The following PTPRQ variants were observed in gnomAD, a reference collection of about 807,000 sequenced individuals.
PTPRQ encodes protein tyrosine phosphatase receptor type Q.
Under a neutral mutation model 246.0 loss-of-function variants are expected in PTPRQ, and 199 were observed. The ratio of observed to expected loss-of-function variants is 0.81; its 90% CI spans 0.72 to 0.91. The LOEUF (loss-of-function observed/expected upper bound fraction) is 0.91. Among genes scored for constraint, PTPRQ ranks in the 40% least tolerant of loss-of-function variants. PTPRQ has a pLI of 0.00. For missense variants in PTPRQ, 2,624 were observed against 2,528.4 expected, an observed-to-expected ratio of 1.04 and a Z score of -0.81; for synonymous variants, 869 against 853.2, an observed-to-expected ratio of 1.02 and a Z score of -0.32.
chr12:80,492,164 A>T (rs1357111805), intron 9 of PTPRQ, among the ~76,000 whole-genome samples: 1 of 151,938 alleles, frequency 6.6e-6, no homozygotes, highest in Non-Finnish European at 1.5e-5. Flanking sequence ...GGATTCAGTA[A>T]TCATCAATAG....
chr12:80,550,012 C>G (rs1004529532), intron 25 of PTPRQ, among the ~76,000 whole-genome samples: 2 of 152,016 alleles, frequency 1.3e-5, no homozygotes, highest in Non-Finnish European at 1.5e-5. Context: ...ATGAATTATG[C>G]TTTATTGTGA....
chr12:80,484,639 C>G (rs779784942), intron 9 of PTPRQ, 34 bp downstream of exon 9: 1 of 1,543,168 alleles, frequency 6.5e-7, no homozygotes, highest in African/African-American at 1.4e-5. Context: ...TTGGTGAACC[C>G]TTTCTGCTTG....
intron 17 of PTPRQ, among the ~76,000 whole-genome samples, chr12:80,519,005 G>A (rs909255268): frequency 6.6e-6 from 1 of 151,948 alleles, no homozygotes; most frequent in African/African-American, 2.4e-5. Context: ...TTCTATTTCT[G>A]TGAAGAATGT....
intron 25 of PTPRQ, among the ~76,000 whole-genome samples, chr12:80,581,851 G>A (rs530324579): frequency 6.6e-6 from 1 of 152,156 alleles, no homozygotes; most frequent in Non-Finnish European, 1.5e-5. Flanking sequence ...AGAGAGAGAA[G>A]TGCAATAAGC....
At chr12:80,592,274 A>T (rs558283604) in intron 26 of PTPRQ, among the ~76,000 whole-genome samples, 6 of 152,356 alleles carry the variant, frequency 3.9e-5, no homozygotes, top group East Asian at 3.9e-4. Context: ...GTTGAGGATA[A>T]TTCTTTAAAT....
Position 80,460,653 on chromosome 12 carries a change from G to T in PTPRQ, c.661G>T (p.Glu221Ter). 1 of 398,468 alleles carries T rather than the reference G, an allele frequency of 2.5e-6. No individual in the cohort carries two copies. Among genetic ancestry groups the T allele is most frequent in the South Asian group, 1.3e-4 (1 of 7,838 alleles). The allele number at this position is 398,468 out of a possible 1,614,324, so 24.7% of individuals were successfully genotyped here. Residue 221 changes from glutamate (E) to a stop codon, truncating the protein, a stop_gained and splice_region_variant, in exon 6 of 45, where the codon GAG becomes TAG. Transcript: ENST00000644991. LOFTEE classifies it high-confidence loss of function. ...ILTGKLPECN[E>*]NSESFLWSTA... ...CTATTGATCTTATTTTATTTACTAG[G>T]AGAATAGTGAATCTTTTTTATGGAG...
In PTPRQ at chr12:80,476,448, T is replaced by G. The variant is rs147799375; in HGVS notation, c.1186+4197T>G. On this transcript the variant is annotated intron_variant, in intron 8 of 44. Transcript: ENST00000644991. ...GTGATCATATGATCAATGCTCAGTG[T>G]GTTGAATGATGAATGAATGGCCCAA... Among the ~76,000 whole-genome samples, 888 of 152,260 alleles carry G rather than the reference T, an allele frequency of 5.8e-3. 10 individuals carry two copies. The highest frequency in any genetic ancestry group is 0.021 in the African/African-American group (862 of 41,570).
At position 80,613,683 on chromosome 12, in the gene PTPRQ, T is replaced by A. The variant is rs868006468; in HGVS notation, c.5010T>A (p.Pro1670=). ...FQLTFLPPSQ[P]NGNIQVYQAL... Reference sequence around the variant, plus strand: ...TAACGTTCCTTCCTCCTTCTCAACCTAATGGAAATATCCAAGTATATCAAG... The same window carrying A: ...TAACGTTCCTTCCTCCTTCTCAACCAAATGGAAATATCCAAGTATATCAAG... The change falls in exon 29 of 45, where the codon CCT becomes CCA. Residue 1670 remains proline, a synonymous_variant. Coordinates refer to ENST00000644991, the MANE Select transcript of PTPRQ (RefSeq NM_001145026.2). 6.5e-7 allele frequency: 1 copy of A among 1,546,230 alleles called. No homozygotes were observed. The highest frequency in any genetic ancestry group is 1.7e-4 in the Middle Eastern group (1 of 5,958).
At chr12:80,517,038 G>A (rs896892209) in intron 17 of PTPRQ, among the ~76,000 whole-genome samples, 1 of 152,084 alleles carries the variant, frequency 6.6e-6, no homozygotes, top group African/African-American at 2.4e-5. Context: ...GATGACCAAT[G>A]TTCTGACCAA....
intron 17 of PTPRQ, among the ~76,000 whole-genome samples, chr12:80,512,161 G>T (rs750801302): frequency 6.6e-6 from 1 of 152,190 alleles, no homozygotes; most frequent in Non-Finnish European, 1.5e-5. Context: ...GTTACTACTA[G>T]AATTTGATGG....
At chr12:80,470,387 CT>C (rs1893585710) in intron 7 of PTPRQ, among the ~76,000 whole-genome samples, 1 of 151,876 alleles carries the variant, frequency 6.6e-6, no homozygotes, top group South Asian at 2.1e-4. Context: ...ACTGGTTTAC[CT>C]TTTTCAGTGT....
intron 43 of PTPRQ, 43 bp from the exon 44 acceptor site, chr12:80,678,559 T>A: frequency 6.6e-7 from 1 of 1,506,216 alleles, no homozygotes; most frequent in Non-Finnish European, 8.9e-7. Context: ...TATGAAACTC[T>A]TCATCAATAT....
At chr12:80,523,823 G>A (rs2120766851) in intron 17 of PTPRQ, among the ~76,000 whole-genome samples, 1 of 152,308 alleles carries the variant, frequency 6.6e-6, no homozygotes, top group Admixed American at 6.5e-5. Flanking sequence ...GTGTTGTGCT[G>A]AAAAGAATGC....
chr12:80,520,533 C>A (rs1271321473), intron 17 of PTPRQ, among the ~76,000 whole-genome samples: 1 of 129,042 alleles, frequency 7.7e-6, no homozygotes, highest in African/African-American at 2.9e-5. Context: ...ACAACAGGCC[C>A]CGGTGTGTGA....
In PTPRQ at chr12:80,535,016, T is replaced by C; in HGVS notation, c.2964T>C (p.Asn988=). Residue 988 remains asparagine (N), a synonymous_variant, in exon 19 of 45, where the codon AAT becomes AAC. Coordinates refer to ENST00000644991, the MANE Select transcript of PTPRQ (RefSeq NM_001145026.2). ...AATATTACTCTGTTTATTACAGAAA[T>C]ACTTCAGGTACTTTTATGCAGGTAA... is the stretch of plus-strand genomic sequence containing the variant. ...IIQYYSVYYR[N]TSGTFMQNFT... 1 of 1,531,520 alleles carries C rather than the reference T, an allele frequency of 6.5e-7. No homozygotes were observed. The highest frequency in any genetic ancestry group is 1.3e-5 in the South Asian group (1 of 78,094). The allele number at this position is 1,531,520 out of a possible 1,614,324, so 94.9% of individuals were successfully genotyped here.
chr12:80,488,581 A>T (rs1250925994), intron 9 of PTPRQ, among the ~76,000 whole-genome samples: 1 of 152,084 alleles, frequency 6.6e-6, no homozygotes, highest in East Asian at 1.9e-4. Context: ...AACTGAAAAC[A>T]GGAGTGGTTT....
At chr12:80,628,445 G>T (rs1229125565) in intron 33 of PTPRQ, among the ~76,000 whole-genome samples, 2 of 152,052 alleles carry the variant, frequency 1.3e-5, no homozygotes, top group Non-Finnish European at 2.9e-5. Context: ...AACCTATTTT[G>T]TCACTTGACT....
chr12:80,678,913 T>C, intron 44 of PTPRQ, 73 bp from the exon 45 acceptor site: 1 of 1,484,158 alleles, frequency 6.7e-7, no homozygotes, highest in South Asian at 1.4e-5. Context: ...ACATTATATT[T>C]TTATCATGAA....
In PTPRQ at chr12:80,610,613, A is replaced by G. The variant is rs1262395821; in HGVS notation, c.4906A>G (p.Thr1636Ala). ...GTCAAGTGCTGAAATGATTGTTACTACTTTAGAATCAGGTAAGGAGAATTT... is the reference window on the plus strand; with the variant it reads ...GTCAAGTGCTGAAATGATTGTTACTGCTTTAGAATCAGGTAAGGAGAATTT... Reference protein sequence around the residue: ...GKSSAEMIVTTLESAPKDPPN... With the variant: ...GKSSAEMIVTALESAPKDPPN... The change falls in exon 28 of 45, where the codon ACT (threonine) becomes GCT (alanine). Residue 1636 changes from threonine (T) to alanine (A), a missense_variant. Transcript: ENST00000644991. 1.3e-6 allele frequency: 2 copies of G among 1,542,154 alleles called. No individual in the cohort carries two copies. The highest frequency in any genetic ancestry group is 2.4e-5 in the South Asian group (2 of 83,470).
Sources: allele counts gnomAD v4.1 joint callset (sites outside exome capture counted in the v4.1 genomes callset), GRCh38; gene constraint gnomAD v4.1.1; transcripts MANE v1.5; gene names NCBI Gene and HGNC (gene_info 2026-07-23, HGNC 2026-07-21).